SLA: variants seen among roughly 807,000 people sequenced by gnomAD.
The protein encoded by SLA is src-like-adapter.
Under a neutral mutation model 30.3 loss-of-function variants are expected in SLA, and 16 were observed. That is an observed-to-expected ratio of 0.53 (90% CI 0.36 to 0.80). The LOEUF (loss-of-function observed/expected upper bound fraction) is 0.80, where lower values mean the gene tolerates loss of function less well. Among genes scored for constraint, SLA ranks in the 30% least tolerant of loss-of-function variants. SLA has a pLI of 0.01. For synonymous variants in SLA, 143 were observed against 137.8 expected (o/e 1.04, Z -0.26); for missense variants, 310 against 345.2 (o/e 0.90, Z 0.81).
intron 1 of SLA, among the ~76,000 whole-genome samples, chr8:133,090,379 T>C (rs1212323504): frequency 6.6e-6 from 1 of 152,186 alleles, no homozygotes; most frequent in African/African-American, 2.4e-5. Flanking sequence ...TAGTCCTTCC[T>C]ACCTGATTTA....
chr8:133,046,699 C>T (rs1474984373), intron 6 of SLA: 2 of 152,210 alleles, frequency 1.3e-5, no homozygotes, highest in Non-Finnish European at 2.9e-5. Flanking sequence ...TCGGGGCATC[C>T]TGCCTCCGGG....
chr8:133,083,807 C>A (rs142975351), intron 1 of SLA, among the ~76,000 whole-genome samples: 1 of 152,154 alleles, frequency 6.6e-6, no homozygotes, highest in African/African-American at 2.4e-5. Context: ...CACATGTGCC[C>A]TTCTCATCCA....
intron 1 of SLA, among the ~76,000 whole-genome samples, chr8:133,097,938 G>A (rs1381855556): frequency 6.6e-6 from 1 of 152,192 alleles, no homozygotes; most frequent in Non-Finnish European, 1.5e-5. Context: ...AGTTCTCTCT[G>A]AGGGTGTATG....
intron 1 of SLA, among the ~76,000 whole-genome samples, chr8:133,099,451 G>A (rs1466894088): frequency 6.6e-6 from 1 of 152,182 alleles, no homozygotes; most frequent in Non-Finnish European, 1.5e-5. Context: ...ACAGCTCAGT[G>A]CCACTGCATG....
At chr8:133,050,046 T>C in intron 4 of SLA, 58 bp from the exon 5 acceptor site, 1 of 1,087,664 alleles carries the variant, frequency 9.2e-7, no homozygotes, top group Non-Finnish European at 1.4e-6. Flanking sequence ...AACCAAAGGA[T>C]GAATGAACAG....
chr8:133,070,742 G>A (rs1843878159), intron 2 of SLA, among the ~76,000 whole-genome samples: 1 of 152,116 alleles, frequency 6.6e-6, no homozygotes, highest in South Asian at 2.1e-4. Context: ...CTAAGAGCTG[G>A]GTCTGCTGGC....
intron 1 of SLA, among the ~76,000 whole-genome samples, chr8:133,096,021 C>G (rs1208774820): frequency 6.6e-6 from 1 of 152,224 alleles, no homozygotes; most frequent in Non-Finnish European, 1.5e-5. Flanking sequence ...GAGTGAGATT[C>G]ATTCACCCTC....
intron 2 of SLA, chr8:133,073,342 T>C (rs1026767241): frequency 6.6e-6 from 1 of 152,240 alleles, no homozygotes; most frequent in African/African-American, 2.4e-5. Flanking sequence ...TATTAAGCAC[T>C]CTTAAATAGA....
chr8:133,067,220 C>CA (rs1843162755), intron 2 of SLA, among the ~76,000 whole-genome samples: 1 of 152,148 alleles, frequency 6.6e-6, no homozygotes, highest in Admixed American at 6.5e-5. Flanking sequence ...CTGCCGAGGC[C>CA]ACTTACCCCG....
At chr8:133,081,870 C>T (rs1182993951) in intron 1 of SLA, among the ~76,000 whole-genome samples, 2 of 152,206 alleles carry the variant, frequency 1.3e-5, no homozygotes, top group East Asian at 1.9e-4. Context: ...TGTAAGCCTT[C>T]CTGCCTCTGA....
intron 7 of SLA, 22 bp from the exon 8 acceptor site, chr8:133,040,152 C>G: frequency 6.4e-7 from 1 of 1,573,452 alleles, no homozygotes; most frequent in Non-Finnish European, 8.6e-7. Context: ...AGCAGACAGC[C>G]GGTCAGGGAC....
chr8:133,043,762 A>G (rs558854479), intron 7 of SLA, among the ~76,000 whole-genome samples: 115 of 152,342 alleles, frequency 7.5e-4, no homozygotes, highest in Non-Finnish European at 1.3e-3. Context: ...TCTCCTTGAA[A>G]TGCACTTTGC....
In SLA at chr8:133,050,493, C is replaced by T. The variant is rs1019877288; in HGVS notation, c.161+323G>A. ...TTCCAGACCCTGGGGGCTGCCTTCC[C>T]GGTCTTCATTCCTACATAACATCAA... On this transcript the variant is annotated intron_variant, in intron 4 of 8. Coordinates refer to ENST00000338087, the MANE Select transcript of SLA (RefSeq NM_001045556.3). 1.5e-5 allele frequency: 4 copies of T among 267,396 alleles called. No individual in the cohort carries two copies. The South Asian group carries it at 2.8e-4, about 18-fold the overall frequency. 16.6% of individuals were successfully genotyped at this position (267,396 alleles called of 1,614,324 possible).
rs1429018505 is a variant in SLA, at chr8:133,037,046, T to C, written c.*1478A>G. 4 of 152,348 alleles carry C rather than the reference T, an allele frequency of 2.6e-5. No homozygotes were observed. In the East Asian group the frequency reaches 5.8e-4, roughly 22 times the overall value. The allele number at this position is 152,348 out of a possible 1,614,324, so 9.4% of individuals were successfully genotyped here. ...TGTATAAACACACTAGAATCTATGA[T>C]ACAGAAAACTGTGTAACTGCACATA... On this transcript the variant is annotated 3_prime_UTR_variant, in exon 9 of 9. Transcript: ENST00000338087.
chr8:133,067,905 A>G (rs1843310488), intron 2 of SLA, among the ~76,000 whole-genome samples: 1 of 55,382 alleles, frequency 1.8e-5, no homozygotes, highest in African/African-American at 5.1e-5. Context: ...GAAGGAAGGA[A>G]GGAAGGAAGG....
intron 2 of SLA, among the ~76,000 whole-genome samples, chr8:133,067,852 GAGAA>G (rs57930573): frequency 0.26 from 33,703 of 131,338 alleles, 4,520 homozygotes; most frequent in South Asian, 0.28. Flanking sequence ...CAGAGAGAGA[GAGAA>G]AGAAAGAAAG....
Position 133,038,756 on chromosome 8 carries a change from G to C in SLA, c.618-19C>G, listed in dbSNP as rs766251778. 1.5e-5 allele frequency: 23 copies of C among 1,582,854 alleles called. No individual in the cohort carries two copies. The highest frequency in any genetic ancestry group is 2.0e-5 in the Non-Finnish European group (23 of 1,152,574). On this transcript the variant is annotated intron_variant, in intron 8 of 8. Coordinates refer to ENST00000338087, the MANE Select transcript of SLA (RefSeq NM_001045556.3). ...CTGCAGTCTGTGGGCCAGAAGAAAA[G>C]GCAGTAGAGAAAGGGAAAAAAAGAG...
intron 3 of SLA, among the ~76,000 whole-genome samples, chr8:133,054,020 C>T (rs1164711439): frequency 1.3e-5 from 2 of 152,160 alleles, no homozygotes; most frequent in Admixed American, 6.5e-5. Context: ...GCTTGTACTT[C>T]TGTGGGGCAG....
chr8:133,069,952 G>A (rs935553313), intron 2 of SLA, among the ~76,000 whole-genome samples: 2 of 132,846 alleles, frequency 1.5e-5, no homozygotes, highest in South Asian at 5.3e-4. Flanking sequence ...AGTGAGCCGA[G>A]ATTGTGCCAC....
Sources: gnomAD v4.1 joint callset for allele counts (sites outside exome capture counted in the v4.1 genomes callset) on GRCh38, gnomAD v4.1.1 for gene constraint, MANE v1.5 for transcripts, NCBI Gene and HGNC (gene_info 2026-07-23, HGNC 2026-07-21) for gene names.